Variants in DLG2 observed in about 807,000 individuals in gnomAD.
DLG2 encodes disks large homolog 2.
DLG2 carries 45 observed loss-of-function variants against 132.5 expected under a neutral mutation model. That is an observed-to-expected ratio of 0.34 (90% CI 0.27 to 0.44). DLG2 has a LOEUF of 0.44. Among genes scored for constraint, DLG2 ranks in the 20% least tolerant of loss-of-function variants. The pLI, the probability that DLG2 is intolerant of heterozygous loss-of-function variation, is 1.00. For missense variants in DLG2, 1,045 were observed against 1,196.9 expected, an observed-to-expected ratio of 0.87 and a Z score of 1.87; for synonymous variants, 424 against 419.6, an observed-to-expected ratio of 1.01 and a Z score of -0.13.
chr11:83,466,291 C>T (rs1366715588), intron 26 of DLG2, among the ~76,000 whole-genome samples: 1 of 152,096 alleles, frequency 6.6e-6, no homozygotes, highest in Non-Finnish European at 1.5e-5. Context: ...TATAGACCTG[C>T]CTCAGAAGTA....
chr11:83,517,584 G>A (rs978427199), intron 21 of DLG2, among the ~76,000 whole-genome samples: 4 of 152,222 alleles, frequency 2.6e-5, no homozygotes, highest in African/African-American at 4.8e-5. Flanking sequence ...TCCTTTGGAG[G>A]AGGAGAGGTG....
chr11:83,792,874 C>T (rs1028519054), intron 17 of DLG2, among the ~76,000 whole-genome samples: 4 of 152,156 alleles, frequency 2.6e-5, no homozygotes, highest in Admixed American at 2.6e-4. Flanking sequence ...CAGACTGCCT[C>T]TAAAAGTGTA....
intron 6 of DLG2, among the ~76,000 whole-genome samples, chr11:84,833,136 A>T (rs895715024): frequency 8.6e-5 from 13 of 151,604 alleles, no homozygotes; most frequent in African/African-American, 3.1e-4. Context: ...TTCTCTATTT[A>T]GTGAAATCTA....
intron 3 of DLG2, among the ~76,000 whole-genome samples, chr11:85,366,493 T>G (rs2084562775): frequency 6.6e-6 from 1 of 152,208 alleles, no homozygotes; most frequent in Non-Finnish European, 1.5e-5. Flanking sequence ...TTCAGTTAAC[T>G]AATTCCTCCA....
intron 6 of DLG2, among the ~76,000 whole-genome samples, chr11:84,589,279 T>A (rs1056527111): frequency 4.6e-5 from 7 of 152,240 alleles, no homozygotes; most frequent in African/African-American, 1.2e-4. Flanking sequence ...TGTGGAGAAG[T>A]CAACACCTAG....
At chr11:84,547,454 A>C (rs1033003132) in intron 6 of DLG2, among the ~76,000 whole-genome samples, 4 of 152,144 alleles carry the variant, frequency 2.6e-5, no homozygotes, top group Admixed American at 6.5e-5. Flanking sequence ...TGCAAAAAGA[A>C]TTTACTGAGC....
At position 85,087,351 on chromosome 11, in the gene DLG2, T is replaced by G. The variant is rs530406849; in HGVS notation, c.357+24310A>C. ...ATAGAGAAGCCATCTCTAAAATGAT[T>G]AACACTTAAGTTAAAATGTAAAGAC... On this transcript the variant is annotated intron_variant, in intron 6 of 27. Transcript: ENST00000376104. Among the ~76,000 whole-genome samples the G allele has an allele frequency of 3.4e-4, 52 of 152,300 alleles. 2 individuals are homozygous for G. In the South Asian group the frequency reaches 0.011, roughly 31 times the overall value.
At position 84,408,075 on chromosome 11, in the gene DLG2, C is replaced by A. The variant is rs144842316; in HGVS notation, c.519+126495G>T. Among the ~76,000 whole-genome samples the A allele has an allele frequency of 8.4e-3, 1,278 of 151,792 alleles. 7 individuals are homozygous for A. Among genetic ancestry groups the A allele is most frequent in the Non-Finnish European group, 0.012 (795 of 67,942 alleles). On this transcript the variant is annotated intron_variant, in intron 7 of 27. Coordinates refer to ENST00000376104, the MANE Select transcript of DLG2 (RefSeq NM_001142699.3). ...CAGCTTTAATTTATCCCAGATAGAA[C>A]AATATTTTAAAATTTTTATTCAGGG...
chr11:85,313,157 G>A (rs1427599116), intron 3 of DLG2, among the ~76,000 whole-genome samples: 2 of 151,820 alleles, frequency 1.3e-5, no homozygotes, highest in Non-Finnish European at 2.9e-5. Context: ...TAAAAAAGGG[G>A]AAAAAACCTT....
chr11:84,911,951 T>C (rs2092099219), intron 6 of DLG2, among the ~76,000 whole-genome samples: 1 of 152,150 alleles, frequency 6.6e-6, no homozygotes, highest in African/African-American at 2.4e-5. Context: ...TTTCATCTCC[T>C]CAACTGTAAG....
At chr11:83,616,048 TATA>T (rs938133233) in intron 19 of DLG2, among the ~76,000 whole-genome samples, 5 of 152,210 alleles carry the variant, frequency 3.3e-5, no homozygotes, top group African/African-American at 1.2e-4. Flanking sequence ...TTGTACTTAA[TATA>T]ATATTTGCAA....
At chr11:84,689,870 A>C (rs2153723223) in intron 6 of DLG2, among the ~76,000 whole-genome samples, 1 of 152,060 alleles carries the variant, frequency 6.6e-6, no homozygotes, top group African/African-American at 2.4e-5. Context: ...GAGAAGAAAA[A>C]GAGACAAAAA....
At chr11:83,829,197 C>CTTTT (rs5793089) in intron 17 of DLG2, among the ~76,000 whole-genome samples, 3 of 119,342 alleles carry the variant, frequency 2.5e-5, no homozygotes, top group Admixed American at 8.5e-5. Flanking sequence ...TTTTATTTAG[C>CTTTT]TTTTTTTTTT....
At chr11:85,622,050 G>C (rs2081742695) in intron 2 of DLG2, among the ~76,000 whole-genome samples, 1 of 152,120 alleles carries the variant, frequency 6.6e-6, no homozygotes, top group South Asian at 2.1e-4. Flanking sequence ...TCATCACCCT[G>C]ATCAGTTAGC....
At chr11:84,280,395 A>C (rs756374059) in intron 7 of DLG2, among the ~76,000 whole-genome samples, 1 of 151,924 alleles carries the variant, frequency 6.6e-6, no homozygotes, top group Non-Finnish European at 1.5e-5. Flanking sequence ...CAGCCTCCCA[A>C]ATAGCTGGGA....
At chr11:84,189,800 C>T (rs559055603) in intron 8 of DLG2, among the ~76,000 whole-genome samples, 1 of 152,034 alleles carries the variant, frequency 6.6e-6, no homozygotes, top group South Asian at 2.1e-4. Context: ...CATGGTGAAA[C>T]AACACACACT....
At chr11:84,002,887 G>A (rs1259691531) in intron 11 of DLG2, among the ~76,000 whole-genome samples, 3 of 152,108 alleles carry the variant, frequency 2.0e-5, no homozygotes, top group African/African-American at 7.2e-5. Context: ...TTGTCAGGTT[G>A]CAAAGTTTTC....
intron 18 of DLG2, among the ~76,000 whole-genome samples, chr11:83,763,957 T>A (rs1323478084): frequency 6.6e-6 from 1 of 152,238 alleles, no homozygotes; most frequent in Non-Finnish European, 1.5e-5. Flanking sequence ...TATAGAACAG[T>A]CATTGCACCT....
intron 6 of DLG2, among the ~76,000 whole-genome samples, chr11:84,537,064 A>G (rs1362270534): frequency 3.4e-4 from 9 of 26,276 alleles, no homozygotes; most frequent in Non-Finnish European, 5.9e-4. Context: ...TTACACTGCC[A>G]TAACCCTACT....
Sources: gnomAD v4.1 joint callset for allele counts (sites outside exome capture counted in the v4.1 genomes callset) on GRCh38, gnomAD v4.1.1 for gene constraint, MANE v1.5 for transcripts, NCBI Gene and HGNC (gene_info 2026-07-23, HGNC 2026-07-21) for gene names.